PRKG1: variants seen among roughly 807,000 people sequenced by gnomAD.
PRKG1 encodes the protein cGMP-dependent protein kinase 1.
PRKG1 carries 35 observed loss-of-function variants against 88.1 expected under a neutral mutation model. That is an observed-to-expected ratio of 0.40 (90% confidence interval 0.30 to 0.53). The LOEUF is 0.53. PRKG1 is among the 20% of genes least tolerant of loss of function. The probability of loss-of-function intolerance (pLI) is 0.59; values close to 1 mark genes in which losing one functional copy is unlikely to be tolerated. For missense variants in PRKG1, 540 were observed against 839.8 expected (o/e 0.64, Z 4.41); for synonymous variants, 303 against 292.5 (o/e 1.04, Z -0.37).
intron 2 of PRKG1, among the ~76,000 whole-genome samples, chr10:51,247,925 C>A (rs954105642): frequency 9.9e-5 from 15 of 151,920 alleles, no homozygotes; most frequent in Admixed American, 3.3e-4. Flanking sequence ...TGGACTCTTT[C>A]TCAACTCTCT....
At chr10:51,696,243 G>C (rs1202130537) in intron 3 of PRKG1, 5 of 145,620 alleles carry the variant, frequency 3.4e-5, no homozygotes, top group African/African-American at 8.1e-5. Flanking sequence ...AAACTAAAAG[G>C]CATGTTAAAT....
chr10:51,436,326 G>A (rs751272545), intron 2 of PRKG1, among the ~76,000 whole-genome samples: 6 of 152,090 alleles, frequency 3.9e-5, no homozygotes, highest in South Asian at 4.1e-4. Flanking sequence ...GCGTGTGTTT[G>A]TGTTTTAGCA....
chr10:51,108,671 C>T lies in PRKG1; in HGVS notation c.311+33770C>T, dbSNP rs147839016. Among the ~76,000 whole-genome samples, 487 of 152,304 alleles carry T rather than the reference C, an allele frequency of 3.2e-3. 2 individuals carry two copies. Among genetic ancestry groups the T allele is most frequent in the African/African-American group, 0.01 (428 of 41,574 alleles). Reference sequence around the variant, plus strand: ...CAAAACCCCCACAGCTAACATCATACTTAATGGTGGGCGATTGAATATTTT... The same window carrying T: ...CAAAACCCCCACAGCTAACATCATATTTAATGGTGGGCGATTGAATATTTT... On this transcript the variant is annotated intron_variant, in intron 1 of 17. Transcript: ENST00000373980.
chr10:52,188,078 T>C (rs929775503), intron 9 of PRKG1, among the ~76,000 whole-genome samples: 1 of 151,778 alleles, frequency 6.6e-6, no homozygotes, highest in Admixed American at 6.6e-5. Flanking sequence ...AAAGTTTATT[T>C]AGTGGATGAT....
chr10:51,409,514 C>T (rs1168614027), intron 2 of PRKG1, among the ~76,000 whole-genome samples: 1 of 152,016 alleles, frequency 6.6e-6, no homozygotes, highest in Non-Finnish European at 1.5e-5. Context: ...CATAGTCTAA[C>T]ATTTAGTTTC....
At chr10:52,105,609 G>A (rs1476601913) in intron 7 of PRKG1, among the ~76,000 whole-genome samples, 4 of 150,838 alleles carry the variant, frequency 2.7e-5, no homozygotes, top group Admixed American at 6.6e-5. Context: ...TTTTTTCAAA[G>A]TTAATACCTT....
intron 2 of PRKG1, among the ~76,000 whole-genome samples, chr10:51,238,568 G>A (rs1216170086): frequency 6.6e-6 from 1 of 151,346 alleles, no homozygotes; most frequent in African/African-American, 2.4e-5. Flanking sequence ...GGCAACAAGA[G>A]TGAGACTCTA....
At chr10:52,107,217 G>T (rs1192385037) in intron 7 of PRKG1, among the ~76,000 whole-genome samples, 1 of 152,152 alleles carries the variant, frequency 6.6e-6, no homozygotes, top group East Asian at 1.9e-4. Flanking sequence ...TACCCAGAAG[G>T]GGAGAAATAT....
intron 3 of PRKG1, among the ~76,000 whole-genome samples, chr10:51,639,493 A>G (rs1248862225): frequency 6.8e-6 from 1 of 147,516 alleles, no homozygotes; most frequent in African/African-American, 2.5e-5. Context: ...TGAGATTAAA[A>G]AAAAGACTGG....
At chr10:51,635,061 A>T (rs1839621696) in intron 3 of PRKG1, among the ~76,000 whole-genome samples, 1 of 152,138 alleles carries the variant, frequency 6.6e-6, no homozygotes, top group South Asian at 2.1e-4. Context: ...ATGTATAAAA[A>T]CAACCTGTGC....
intron 3 of PRKG1, among the ~76,000 whole-genome samples, chr10:51,531,474 A>G (rs1472538781): frequency 6.6e-6 from 1 of 152,030 alleles, no homozygotes; most frequent in Non-Finnish European, 1.5e-5. Flanking sequence ...TACCTGGAAT[A>G]AAAAATAGAG....
intron 2 of PRKG1, among the ~76,000 whole-genome samples, chr10:51,312,731 A>G (rs760057205): frequency 2.0e-5 from 3 of 151,048 alleles, no homozygotes; most frequent in Non-Finnish European, 3.0e-5. Context: ...ACATATACCT[A>G]AACTTATTTA....
At chr10:51,691,268 CA>C (rs1192121841) in intron 3 of PRKG1, among the ~76,000 whole-genome samples, 1 of 148,534 alleles carries the variant, frequency 6.7e-6, no homozygotes, top group African/African-American at 2.5e-5. Context: ...TGCAGAAATA[CA>C]TGTGCCGAAC....
At chr10:52,199,203 C>T (rs972392550) in intron 9 of PRKG1, among the ~76,000 whole-genome samples, 1 of 152,110 alleles carries the variant, frequency 6.6e-6, no homozygotes, top group African/African-American at 2.4e-5. Context: ...CTAACCCTGA[C>T]ATTTTGACCT....
intron 5 of PRKG1, among the ~76,000 whole-genome samples, chr10:52,011,558 T>C (rs1394505965): frequency 6.6e-6 from 1 of 152,176 alleles, no homozygotes; most frequent in Non-Finnish European, 1.5e-5. Flanking sequence ...AGTTCATCCT[T>C]TTCAAGTGCT....
intron 2 of PRKG1, among the ~76,000 whole-genome samples, chr10:51,412,552 G>A (rs1420893255): frequency 1.3e-5 from 2 of 152,176 alleles, no homozygotes; most frequent in Non-Finnish European, 2.9e-5. Flanking sequence ...GCTGAGGCAG[G>A]AGAATCGCTT....
At chr10:51,495,896 C>G (rs563594605) in intron 3 of PRKG1, among the ~76,000 whole-genome samples, 2 of 152,246 alleles carry the variant, frequency 1.3e-5, no homozygotes, top group East Asian at 3.9e-4. Flanking sequence ...AGTGCAGAAG[C>G]CGTGTGGCCA....
chr10:52,110,067 C>T (rs892472728), intron 7 of PRKG1, among the ~76,000 whole-genome samples: 8 of 151,870 alleles, frequency 5.3e-5, no homozygotes, highest in African/African-American at 1.7e-4. Flanking sequence ...GATTCTAGGC[C>T]GGGCGCCGTG....
chr10:52,086,733 A>G (rs956595590), intron 7 of PRKG1, among the ~76,000 whole-genome samples: 3 of 152,090 alleles, frequency 2.0e-5, no homozygotes, highest in Non-Finnish European at 4.4e-5. Context: ...ACAATTCGCT[A>G]TATGTGGGCA....
Sources: allele counts gnomAD v4.1 joint callset (sites outside exome capture counted in the v4.1 genomes callset), GRCh38; gene constraint gnomAD v4.1.1; transcripts MANE v1.5; gene names NCBI Gene and HGNC (gene_info 2026-07-23, HGNC 2026-07-21).